The following MICAL3 variants were observed in gnomAD, a reference collection of about 807,000 sequenced individuals.
The protein encoded by MICAL3 is microtubule associated monooxygenase, calponin and LIM domain containing 3.
MICAL3 carries 62 observed loss-of-function variants against 207.4 expected under a neutral mutation model. That is an observed-to-expected ratio of 0.30 (90% CI 0.24 to 0.37). MICAL3 has a LOEUF of 0.37. MICAL3 is among the 10% of genes least tolerant of loss of function. The pLI, the probability that MICAL3 is intolerant of heterozygous loss-of-function variation, is 1.00. For synonymous variants in MICAL3, 1,077 were observed against 1,069.3 expected (o/e 1.01, Z -0.14); for missense variants, 2,368 against 2,635.6 (o/e 0.90, Z 2.22).
In MICAL3 at chr22:17,902,012, C is replaced by G; in HGVS notation, c.590-33G>C. 6.8e-7 allele frequency: 1 copy of G among 1,479,492 alleles called. No homozygotes were observed. The highest frequency in any genetic ancestry group is 9.4e-7 in the Non-Finnish European group (1 of 1,066,654). 91.6% of individuals were successfully genotyped at this position (1,479,492 alleles called of 1,614,324 possible). On this transcript the variant is annotated intron_variant, in intron 4 of 31. Coordinates refer to ENST00000441493, the MANE Select transcript of MICAL3 (RefSeq NM_015241.3). This position sits in a 1 kb window ranked among gnomAD's most constrained non-coding sequence, Gnocchi z 4.5. ...CCAAAACCAAATAAATGGGGGTCAC[C>G]ACCCAGACCACATTCACAGCCAGGA...
chr22:17,983,830 T>G (rs1308215249), intron 1 of MICAL3, among the ~76,000 whole-genome samples: 2 of 151,994 alleles, frequency 1.3e-5, no homozygotes, highest in Non-Finnish European at 2.9e-5. Flanking sequence ...CCTATCAGAC[T>G]CCGAGAGAAT....
rs1434377803 is a variant in MICAL3 at position 17,788,084 on chromosome 22, G to A, written c.*2648C>T. 6 of 152,268 alleles carry A rather than the reference G, an allele frequency of 3.9e-5. No individual in the cohort carries two copies. The highest frequency in any genetic ancestry group is 1.4e-4 in the African/African-American group (6 of 41,466). 9.4% of individuals were successfully genotyped at this position (152,268 alleles called of 1,614,324 possible). On this transcript the variant is annotated 3_prime_UTR_variant, in exon 32 of 32. Transcript: ENST00000441493. Reference sequence around the variant, plus strand: ...GACTTAACTCTCCGAGAGAAAACCTGCCTGGAGCTGCGCACATTCTCACAG... The same window carrying A: ...GACTTAACTCTCCGAGAGAAAACCTACCTGGAGCTGCGCACATTCTCACAG...
At chr22:18,017,285 C>T (rs990378488) in intron 1 of MICAL3, among the ~76,000 whole-genome samples, 1 of 151,934 alleles carries the variant, frequency 6.6e-6, no homozygotes, top group African/African-American at 2.4e-5. Flanking sequence ...GCAATCTCGG[C>T]TCACTGCAAC....
chr22:17,963,873 G>T (rs527490397), intron 1 of MICAL3, among the ~76,000 whole-genome samples: 1 of 152,294 alleles, frequency 6.6e-6, no homozygotes, highest in Admixed American at 6.5e-5. Context: ...CCAGCTGAGG[G>T]TCAAATAGGC....
chr22:17,821,346 G>A (rs1049809146), intron 25 of MICAL3, 81 bp downstream of exon 25: 1 of 1,263,984 alleles, frequency 7.9e-7, no homozygotes, highest in Non-Finnish European at 1.1e-6. Context: ...CCACACCATG[G>A]GCCCTGAAAC....
intron 19 of MICAL3, among the ~76,000 whole-genome samples, chr22:17,856,993 A>G (rs897897837): frequency 6.6e-6 from 1 of 152,236 alleles, no homozygotes; most frequent in Non-Finnish European, 1.5e-5. Context: ...GAAATTTTAT[A>G]GCTGGTCTCA....
At chr22:17,951,317 G>A (rs986868512) in intron 1 of MICAL3, among the ~76,000 whole-genome samples, 10 of 152,046 alleles carry the variant, frequency 6.6e-5, no homozygotes, top group East Asian at 5.8e-4. Flanking sequence ...ACCTCTCCAC[G>A]TCCATCTTCA....
At chr22:17,993,841 C>T (rs1408980378) in intron 1 of MICAL3, among the ~76,000 whole-genome samples, 1 of 152,022 alleles carries the variant, frequency 6.6e-6, no homozygotes, top group Non-Finnish European at 1.5e-5. Context: ...AGCGGTGACC[C>T]CCCAGGACGG....
intron 1 of MICAL3, among the ~76,000 whole-genome samples, chr22:17,914,073 C>T (rs768664367): frequency 2.0e-5 from 3 of 152,158 alleles, no homozygotes; most frequent in Non-Finnish European, 4.4e-5. Flanking sequence ...CCCACAGTAG[C>T]GCTGTTATCA....
At chr22:17,821,265 G>A (rs1169484955) in intron 25 of MICAL3, among the ~76,000 whole-genome samples, 162 bp downstream of exon 25, 1 of 152,000 alleles carries the variant, frequency 6.6e-6, no homozygotes, top group African/African-American at 2.4e-5. Flanking sequence ...AGTACAAGGA[G>A]GATGATAGTT....
At chr22:17,951,279 CG>C (rs112133072) in intron 1 of MICAL3, among the ~76,000 whole-genome samples, 7,165 of 152,182 alleles carry the variant, frequency 0.047, 279 homozygotes, top group African/African-American at 0.1. Flanking sequence ...GATCTGGACC[CG>C]GGGTCCGTCA....
intron 1 of MICAL3, among the ~76,000 whole-genome samples, chr22:17,994,639 G>A (rs1000786256): frequency 6.6e-6 from 1 of 151,888 alleles, no homozygotes; most frequent in Non-Finnish European, 1.5e-5. Context: ...CCTGGCCCAG[G>A]AGGTCAAGGC....
intron 1 of MICAL3, among the ~76,000 whole-genome samples, chr22:17,970,286 G>C (rs554990576): frequency 6.8e-6 from 1 of 147,074 alleles, no homozygotes; most frequent in Non-Finnish European, 1.5e-5. Flanking sequence ...CTGCCATTCC[G>C]TCTGTCCTTG....
intron 1 of MICAL3, among the ~76,000 whole-genome samples, chr22:17,936,965 G>A (rs1221486490): frequency 1.3e-5 from 2 of 152,240 alleles, no homozygotes; most frequent in Admixed American, 6.5e-5. Context: ...TGATGACTAC[G>A]CACGTGTCCC....
Position 17,817,688 on chromosome 22 carries a change from G to A in MICAL3, c.4973C>T (p.Ser1658Phe). The A allele has an allele frequency of 1.9e-6, 3 of 1,605,364 alleles. No homozygotes were observed. Among genetic ancestry groups the A allele is most frequent in the Non-Finnish European group, 2.5e-6 (3 of 1,176,856 alleles). ...DSPTRPTLRGSEEPTLKHEAT... is the reference protein window; with the variant it reads ...DSPTRPTLRGFEEPTLKHEAT... The stretch of plus-strand genomic sequence containing the variant: ...TTCATGCTTCAGGGTGGGCTCCTCG[G>A]AGCCCCTGAGAGTGGGGCGTGTGGG... Residue 1658 changes from serine (S) to phenylalanine (F), a missense_variant, in exon 26 of 32, where the codon TCC (serine) becomes TTC (phenylalanine). This residue lies in a region of MICAL3 where 1,770 missense variants were observed against 1,863.2 expected (regional missense o/e 0.95). Coordinates refer to ENST00000441493, the MANE Select transcript of MICAL3 (RefSeq NM_015241.3).
In MICAL3 at chr22:17,942,794, G is replaced by A. The variant is rs189975859; in HGVS notation, c.-74-35908C>T. On this transcript the variant is annotated intron_variant, in intron 1 of 31. Coordinates refer to ENST00000441493, the MANE Select transcript of MICAL3 (RefSeq NM_015241.3). ...GCAGTTCAACCAGGGCAGTCCCAGA[G>A]GGCTCCAGCTTGATGGGTGCTGCCC... Among the ~76,000 whole-genome samples, 227 of 152,348 alleles carry A rather than the reference G, an allele frequency of 1.5e-3. 9 individuals are homozygous for A. The East Asian group carries it at 0.03, about 20-fold the overall frequency.
At chr22:17,888,131 T>C (rs1418884108) in intron 13 of MICAL3, among the ~76,000 whole-genome samples, 2 of 152,216 alleles carry the variant, frequency 1.3e-5, no homozygotes, top group East Asian at 3.8e-4. Flanking sequence ...CAAACATCCT[T>C]CTTGGCACAT....
intron 12 of MICAL3, among the ~76,000 whole-genome samples, chr22:17,890,200 C>A (rs779673844): frequency 6.6e-6 from 1 of 152,152 alleles, no homozygotes; most frequent in Non-Finnish European, 1.5e-5. Flanking sequence ...TAGGATCCCA[C>A]AGCATTTTCC....
At chr22:17,952,147 G>A (rs561017923) in intron 1 of MICAL3, among the ~76,000 whole-genome samples, 12 of 152,338 alleles carry the variant, frequency 7.9e-5, no homozygotes, top group African/African-American at 2.6e-4. Context: ...CCCATCCTGG[G>A]AAAGGATTTG....
Sources: gnomAD v4.1 joint callset for allele counts (sites outside exome capture counted in the v4.1 genomes callset) on GRCh38, gnomAD v4.1.1 for gene constraint, gnomAD v4.1.1 regional missense constraint, Gnocchi (gnomAD v3.1) non-coding constraint, MANE v1.5 for transcripts, NCBI Gene and HGNC (gene_info 2026-07-23, HGNC 2026-07-21) for gene names.